MYOF: variants seen among roughly 807,000 people sequenced by gnomAD.
MYOF encodes fer-1-like 3, myoferlin.
A neutral mutation model predicts 284.2 loss-of-function variants in MYOF; 244 were observed. The observed-to-expected ratio is 0.86, with a 90% CI of 0.77 to 0.95. The LOEUF (loss-of-function observed/expected upper bound fraction) is 0.95, where lower values mean the gene tolerates loss of function less well. MYOF is among the 40% of genes least tolerant of loss of function. The pLI is 0.00. For missense variants in MYOF, 2,496 were observed against 2,560.6 expected, an observed-to-expected ratio of 0.97 and a Z score of 0.54; for synonymous variants, 904 against 919.7, an observed-to-expected ratio of 0.98 and a Z score of 0.31.
intron 2 of MYOF, among the ~76,000 whole-genome samples, chr10:93,454,841 TG>T (rs2056695426): frequency 6.6e-6 from 1 of 151,738 alleles, no homozygotes; most frequent in Non-Finnish European, 1.5e-5. Flanking sequence ...TAGCTGGGCA[TG>T]GTGGCTTATA....
intron 32 of MYOF, 46 bp downstream of exon 32, chr10:93,353,765 G>T: frequency 7.0e-7 from 1 of 1,421,862 alleles, no homozygotes. Flanking sequence ...AAGCAAAATA[G>T]CATGCTATGT....
chr10:93,312,828 C>T (rs1467315666), intron 51 of MYOF, among the ~76,000 whole-genome samples, 192 bp downstream of exon 51: 1 of 152,178 alleles, frequency 6.6e-6, no homozygotes, highest in Admixed American at 6.5e-5. Flanking sequence ...CAAACACATG[C>T]TCACAGCATC....
intron 19 of MYOF, among the ~76,000 whole-genome samples, chr10:93,386,581 C>A (rs1054038780): frequency 3.9e-5 from 6 of 152,196 alleles, no homozygotes; most frequent in African/African-American, 1.4e-4. Context: ...GAGCCTGCTC[C>A]TTTCCTCTCA....
At position 93,356,835 on chromosome 10, in the gene MYOF, A is replaced by G. The variant is rs759601045; in HGVS notation, c.3134T>C (p.Leu1045Ser). ...ATATTCCCAGCCCTCTTGGTCTTGC[A>G]ATTCCTCCATGGCCTAAAACAGAAG... is the stretch of plus-strand genomic sequence containing the variant. ...ASSTARAMEELQDQEGWEYAS... is the reference protein window; with the variant it reads ...ASSTARAMEESQDQEGWEYAS... Residue 1045 changes from leucine to serine, a missense_variant, in exon 30 of 54, where the codon TTG becomes TCG. Physicochemically the swap from Leu to Ser is moderately radical, Grantham distance 145. Transcript: ENST00000359263. 1 of 1,612,640 alleles carries G rather than the reference A, an allele frequency of 6.2e-7. No homozygotes were observed. Among genetic ancestry groups the G allele is most frequent in the Non-Finnish European group, 8.5e-7 (1 of 1,179,664 alleles).
chr10:93,329,389 G>A lies in MYOF; in HGVS notation c.4982+275C>T, dbSNP rs73315576. Among the ~76,000 whole-genome samples the A allele has an allele frequency of 7.6e-3, 1,159 of 152,298 alleles. 11 individuals carry two copies. The highest frequency in any genetic ancestry group is 0.027 in the African/African-American group (1,112 of 41,560). ...TGACATCCAGGAGGGGCTCAATGAC[G>A]GGGAGCAAGGGAACTGGTCTCTGGG... On this transcript the variant is annotated intron_variant, in intron 44 of 53. Coordinates refer to ENST00000359263, the MANE Select transcript of MYOF (RefSeq NM_013451.4).
chr10:93,392,776 T>C, intron 17 of MYOF, 141 bp downstream of exon 17: 1 of 732,652 alleles, frequency 1.4e-6, no homozygotes, highest in Non-Finnish European at 2.3e-6. Flanking sequence ...GTATGGCACT[T>C]ACACAAAAAT....
intron 5 of MYOF, among the ~76,000 whole-genome samples, chr10:93,423,525 G>GAAAAA (rs59012520): frequency 3.4e-4 from 5 of 14,892 alleles, no homozygotes; most frequent in African/African-American, 1.3e-3. Flanking sequence ...GACTCCATCT[G>GAAAAA]AAAAAAAAAA....
chr10:93,339,790 T>G (rs1204255498), intron 39 of MYOF, among the ~76,000 whole-genome samples: 1 of 151,870 alleles, frequency 6.6e-6, no homozygotes, highest in East Asian at 2.0e-4. Context: ...AGAAAAAAAT[T>G]ATTCCCAGGC....
chr10:93,397,211 T>G (rs771613312), intron 15 of MYOF, 36 bp downstream of exon 15: 8 of 1,479,740 alleles, frequency 5.4e-6, no homozygotes, highest in South Asian at 2.4e-5. Context: ...ATGTTTATTT[T>G]ATGTTGAATT....
chr10:93,344,785 G>A (rs1309602060), intron 37 of MYOF, among the ~76,000 whole-genome samples: 3 of 150,948 alleles, frequency 2.0e-5, no homozygotes, highest in African/African-American at 4.9e-5. Flanking sequence ...AAAGCAGGGT[G>A]GATTGTTGTA....
intron 3 of MYOF, among the ~76,000 whole-genome samples, chr10:93,438,284 G>A (rs534916461): frequency 6.6e-6 from 1 of 152,176 alleles, no homozygotes; most frequent in African/African-American, 2.4e-5. Context: ...ACGAGTCTCC[G>A]TTGCAGGGGT....
chr10:93,318,965 T>C (rs373248129), intron 49 of MYOF, among the ~76,000 whole-genome samples: 3 of 152,114 alleles, frequency 2.0e-5, no homozygotes, highest in Admixed American at 6.5e-5. Context: ...CTAGGCCCCC[T>C]TTTTTGGAAT....
At chr10:93,456,191 G>T (rs1007267634) in intron 2 of MYOF, among the ~76,000 whole-genome samples, 1 of 152,134 alleles carries the variant, frequency 6.6e-6, no homozygotes, top group Non-Finnish European at 1.5e-5. Context: ...CATATGCTTA[G>T]GATATAATAG....
chr10:93,426,095 C>T lies in MYOF; in HGVS notation c.409G>A (p.Gly137Arg), dbSNP rs557119618. 8.3e-6 allele frequency: 13 copies of T among 1,559,086 alleles called. No homozygotes were observed. Among genetic ancestry groups the T allele is most frequent in the East Asian group, 7.2e-5 (3 of 41,814 alleles). The change falls in exon 5 of 54, where the codon GGG becomes AGG. Residue 137 changes from glycine (G) to arginine (R), a missense_variant. Coordinates refer to ENST00000359263, the MANE Select transcript of MYOF (RefSeq NM_013451.4). ...CCTCCCATGCCTGGCACGCTGGGCC[C>T]GCTCAGGTCATTTGGATGTGGAGCA... is the stretch of plus-strand genomic sequence containing the variant. ...PSAPHPNDLS[G>R]PSVPGMGGDG...
intron 1 of MYOF, among the ~76,000 whole-genome samples, chr10:93,475,184 G>T (rs1015986270): frequency 6.6e-6 from 1 of 152,152 alleles, no homozygotes; most frequent in Non-Finnish European, 1.5e-5. Context: ...AAGGCTTAAG[G>T]TATCAAATGT....
intron 1 of MYOF, among the ~76,000 whole-genome samples, chr10:93,465,524 C>CTTTTT (rs138581408): frequency 1.0e-5 from 1 of 100,102 alleles, no homozygotes; most frequent in Non-Finnish European, 2.0e-5. Flanking sequence ...TTTTTTCTTT[C>CTTTTT]TTTTTTTTCT....
intron 16 of MYOF, among the ~76,000 whole-genome samples, chr10:93,393,217 A>G (rs1444732965): frequency 6.6e-6 from 1 of 152,222 alleles, no homozygotes; most frequent in East Asian, 1.9e-4. Context: ...CAGAAGAGCT[A>G]GCTTCCCGGG....
Position 93,409,607 on chromosome 10 carries a change from C to CA in MYOF, c.565_566insT (p.Arg189LeufsTer7). On this transcript the variant is annotated frameshift_variant, in exon 6 of 54. Coordinates refer to ENST00000359263, the MANE Select transcript of MYOF (RefSeq NM_013451.4). LOFTEE classifies it high-confidence loss of function. ...CTGTGGCTTATTTGACAGCATCCGC[C>CA]GGCTGTTCTTTACTTTGGTGAGCCT... The CA allele has an allele frequency of 6.2e-7, 1 of 1,614,144 alleles. No homozygotes were observed. Among genetic ancestry groups the CA allele is most frequent in the East Asian group, 2.2e-5 (1 of 44,870 alleles).
intron 4 of MYOF, among the ~76,000 whole-genome samples, 162 bp from the exon 5 acceptor site, chr10:93,426,320 G>A (rs984762679): frequency 2.6e-5 from 4 of 152,266 alleles, no homozygotes; most frequent in Non-Finnish European, 5.9e-5. Flanking sequence ...AAGCTCGACT[G>A]TTCCTATCCT....
Sources: gnomAD v4.1 joint callset for allele counts (sites outside exome capture counted in the v4.1 genomes callset) on GRCh38, gnomAD v4.1.1 for gene constraint, MANE v1.5 for transcripts, NCBI Gene and HGNC (gene_info 2026-07-23, HGNC 2026-07-21) for gene names.